The following ARID1B variants were observed in gnomAD, a reference collection of about 807,000 sequenced individuals.
ARID1B encodes the protein AT-rich interaction domain 1B.
ARID1B carries 30 observed loss-of-function variants against 212.3 expected under a neutral mutation model. The ratio of observed to expected loss-of-function variants is 0.14; its 90% CI spans 0.11 to 0.19. The LOEUF (loss-of-function observed/expected upper bound fraction) is 0.19, where lower values mean the gene tolerates loss of function less well. ARID1B is among the 10% of genes least tolerant of loss of function. ARID1B has a pLI of 1.00. For missense variants in ARID1B, 2,891 were observed against 3,204.0 expected (o/e 0.90, Z 2.36); for synonymous variants, 1,402 against 1,301.7 (o/e 1.08, Z -1.66).
At chr6:157,002,923 A>G (rs1449531516) in intron 4 of ARID1B, among the ~76,000 whole-genome samples, 1 of 152,242 alleles carries the variant, frequency 6.6e-6, no homozygotes, top group Non-Finnish European at 1.5e-5. Context: ...GTAGCCAGGC[A>G]TGAGAATGAG....
At chr6:156,920,029 G>T (rs1049169341) in intron 3 of ARID1B, among the ~76,000 whole-genome samples, 1 of 152,194 alleles carries the variant, frequency 6.6e-6, no homozygotes, top group Non-Finnish European at 1.5e-5. Context: ...ATGTCTTCAC[G>T]CATGAGTGGA....
chr6:156,928,620 A>G (rs1379709401), intron 3 of ARID1B, among the ~76,000 whole-genome samples: 1 of 152,116 alleles, frequency 6.6e-6, no homozygotes, highest in Non-Finnish European at 1.5e-5. Flanking sequence ...TGGGGTACAG[A>G]CACTTGAGGG....
chr6:156,931,042 T>G (rs140615774), intron 3 of ARID1B, among the ~76,000 whole-genome samples: 28 of 151,946 alleles, frequency 1.8e-4, no homozygotes, highest in African/African-American at 6.8e-4. Flanking sequence ...TACAAAAAAT[T>G]AGCCAGGTGT....
rs757614786 is a variant in ARID1B, at chr6:156,829,431, G to A, written c.1986+10G>A. 9.9e-6 allele frequency: 16 copies of A among 1,610,472 alleles called. No individual in the cohort carries two copies. Among genetic ancestry groups the A allele is most frequent in the Non-Finnish European group, 1.2e-5 (14 of 1,177,948 alleles). On this transcript the variant is annotated intron_variant, in intron 2 of 19. Coordinates refer to ENST00000636930, the MANE Select transcript of ARID1B (RefSeq NM_001374828.1). ...GTACCCTCAGCAGCAGGTTTGTGCT[G>A]GTCCCCCGACCCGCTGCTTTTTTGT...
chr6:156,832,895 A>T (rs1339292940), intron 2 of ARID1B, among the ~76,000 whole-genome samples: 1 of 151,948 alleles, frequency 6.6e-6, no homozygotes, highest in Admixed American at 6.6e-5. Flanking sequence ...ACGTGATAAT[A>T]GTACATCATT....
At chr6:156,801,530 T>C (rs1485944491) in intron 1 of ARID1B, among the ~76,000 whole-genome samples, 2 of 152,158 alleles carry the variant, frequency 1.3e-5, no homozygotes, top group Non-Finnish European at 2.9e-5. Flanking sequence ...TCTTTGATAG[T>C]ACAAATGTAT....
intron 4 of ARID1B, among the ~76,000 whole-genome samples, chr6:157,043,208 T>C (rs1165415832): frequency 6.6e-6 from 1 of 152,094 alleles, no homozygotes; most frequent in East Asian, 1.9e-4. Context: ...TCCCATGCCC[T>C]TTGCTGCCCT....
chr6:157,004,897 C>CTTTTTTTTTTTTTTTTTTTTTT (rs1177807875), intron 4 of ARID1B, among the ~76,000 whole-genome samples: 3 of 54,722 alleles, frequency 5.5e-5, no homozygotes, highest in Non-Finnish European at 1.1e-4. Context: ...CTTCTTTTTT[C>CTTTTTTTTTTTTTTTTTTTTTT]TTTTTTTTTT....
At chr6:156,859,776 A>G (rs1785195443) in intron 2 of ARID1B, among the ~76,000 whole-genome samples, 1 of 152,198 alleles carries the variant, frequency 6.6e-6, no homozygotes, top group Non-Finnish European at 1.5e-5. Flanking sequence ...CCTGGTCTAA[A>G]TGTGCTTGAA....
chr6:157,123,231 G>GCCC (rs1562637014), intron 6 of ARID1B, among the ~76,000 whole-genome samples: 1 of 29,904 alleles, frequency 3.3e-5, no homozygotes, highest in Non-Finnish European at 6.6e-5. Flanking sequence ...TCTCCCCCCC[G>GCCC]CCCCCCGCCC....
chr6:156,791,347 G>A (rs1779994580), intron 1 of ARID1B, among the ~76,000 whole-genome samples: 1 of 152,200 alleles, frequency 6.6e-6, no homozygotes, highest in East Asian at 1.9e-4. Context: ...AATAAACGAG[G>A]TAATGTGTAT....
intron 4 of ARID1B, among the ~76,000 whole-genome samples, chr6:156,963,199 T>G (rs1794518059): frequency 6.6e-6 from 1 of 152,202 alleles, no homozygotes; most frequent in South Asian, 2.1e-4. Context: ...TGTGTTGCAT[T>G]TTTGCATCAA....
chr6:157,018,250 T>A (rs1251796692), intron 4 of ARID1B, among the ~76,000 whole-genome samples: 1 of 135,900 alleles, frequency 7.4e-6, no homozygotes, highest in East Asian at 2.3e-4. Context: ...ACAGTCTTGC[T>A]CTGTTGCCCA....
chr6:156,911,677 C>G (rs1399498512), intron 3 of ARID1B, among the ~76,000 whole-genome samples: 1 of 152,154 alleles, frequency 6.6e-6, no homozygotes, highest in Admixed American at 6.5e-5. Flanking sequence ...AGAAAGCTGC[C>G]TATAACACAT....
chr6:156,812,988 A>C (rs1326940581), intron 1 of ARID1B, among the ~76,000 whole-genome samples: 1 of 148,076 alleles, frequency 6.8e-6, no homozygotes, highest in Non-Finnish European at 1.5e-5. Flanking sequence ...ATGTATATAC[A>C]TACGTATGTA....
chr6:157,050,325 C>T (rs1782514324), intron 4 of ARID1B, among the ~76,000 whole-genome samples: 2 of 152,154 alleles, frequency 1.3e-5, no homozygotes, highest in Non-Finnish European at 1.5e-5. Context: ...GCGGGTGGGT[C>T]ATGAGGTCAG....
chr6:157,020,941 T>C (rs1780197533), intron 4 of ARID1B, among the ~76,000 whole-genome samples: 1 of 152,236 alleles, frequency 6.6e-6, no homozygotes, highest in Admixed American at 6.5e-5. Context: ...GGAACGTTAC[T>C]TCTTTGCAGA....
chr6:156,848,536 G>A (rs561954848), intron 2 of ARID1B, among the ~76,000 whole-genome samples: 4 of 152,236 alleles, frequency 2.6e-5, no homozygotes, highest in African/African-American at 9.6e-5. Context: ...TCTTCATCAC[G>A]ATTAGAACAC....
chr6:156,933,837 T>G (rs1471934476), intron 3 of ARID1B, among the ~76,000 whole-genome samples: 1 of 152,176 alleles, frequency 6.6e-6, no homozygotes, highest in African/African-American at 2.4e-5. Context: ...CTGGAATTAT[T>G]GGCACGCTCC....
Sources: allele counts gnomAD v4.1 joint callset (sites outside exome capture counted in the v4.1 genomes callset), GRCh38; gene constraint gnomAD v4.1.1; transcripts MANE v1.5; gene names NCBI Gene and HGNC (gene_info 2026-07-23, HGNC 2026-07-21).